NKD1: variants seen among roughly 807,000 people sequenced by gnomAD.
NKD1 encodes the protein NKD inhibitor of Wnt signaling pathway 1.
NKD1 carries 21 observed loss-of-function variants against 56.0 expected under a neutral mutation model. That is an observed-to-expected ratio of 0.38 (90% CI 0.27 to 0.54). The LOEUF (loss-of-function observed/expected upper bound fraction) is 0.54, where lower values mean the gene tolerates loss of function less well. Among genes scored for constraint, NKD1 ranks in the 20% least tolerant of loss-of-function variants. The probability of loss-of-function intolerance (pLI) is 0.82; values close to 1 mark genes in which losing one functional copy is unlikely to be tolerated. For missense variants in NKD1, 578 were observed against 642.7 expected (o/e 0.90, Z 1.09); for synonymous variants, 263 against 265.7 (o/e 0.99, Z 0.10).
intron 3 of NKD1, among the ~76,000 whole-genome samples, chr16:50,582,586 C>A (rs55657844): frequency 2.6e-5 from 4 of 152,350 alleles, no homozygotes; most frequent in Non-Finnish European, 5.9e-5. Flanking sequence ...GGTTCCAAGG[C>A]TGCTACCTTT....
rs1962604939 is a variant in NKD1, at chr16:50,642,879, A to AAC, written c.*9098_*9099insAC. On this transcript the variant is annotated 3_prime_UTR_variant, in exon 10 of 10. Coordinates refer to ENST00000268459, the MANE Select transcript of NKD1 (RefSeq NM_033119.5). ...ACTTTTCCCTCTCAAGTTTGATGGG[A>AAC]TCACTCTGTTCCTTCCAGACCCGAC... 2 of 152,208 alleles carry AAC rather than the reference A, an allele frequency of 1.3e-5. No homozygotes were observed. The highest frequency in any genetic ancestry group is 2.9e-5 in the Non-Finnish European group (2 of 68,054). The allele number at this position is 152,208 out of a possible 1,614,324, so 9.4% of individuals were successfully genotyped here. A position where few individuals can be genotyped will look rare whatever the true frequency, so the allele number is the denominator to read the frequency against.
chr16:50,614,563 C>T (rs1200723222), intron 4 of NKD1, among the ~76,000 whole-genome samples: 1 of 152,182 alleles, frequency 6.6e-6, no homozygotes, highest in Non-Finnish European at 1.5e-5. Flanking sequence ...AGAAAGTTCC[C>T]AGGTCACAGG....
chr16:50,590,730 G>T (rs1392556658), intron 3 of NKD1, among the ~76,000 whole-genome samples: 2 of 152,236 alleles, frequency 1.3e-5, no homozygotes, highest in African/African-American at 4.8e-5. Context: ...CCATGTGGGG[G>T]CATGGTCTGG....
chr16:50,611,086 C>A (rs530846680), intron 4 of NKD1, among the ~76,000 whole-genome samples: 1 of 152,178 alleles, frequency 6.6e-6, no homozygotes, highest in South Asian at 2.1e-4. Flanking sequence ...TCGCAGCCTG[C>A]GGCTTGGGCC....
At chr16:50,600,377 C>A (rs1961568522) in intron 3 of NKD1, among the ~76,000 whole-genome samples, 1 of 151,948 alleles carries the variant, frequency 6.6e-6, no homozygotes, top group Non-Finnish European at 1.5e-5. Context: ...TCAGGAGAGT[C>A]ACTTGAGCCC....
At chr16:50,603,473 C>A (rs1391693691) in intron 3 of NKD1, among the ~76,000 whole-genome samples, 1 of 152,230 alleles carries the variant, frequency 6.6e-6, no homozygotes, top group Non-Finnish European at 1.5e-5. Context: ...TGGCCTAGGC[C>A]CTGCCCCCCT....
intron 4 of NKD1, among the ~76,000 whole-genome samples, chr16:50,617,582 C>A (rs1961990901): frequency 6.6e-6 from 1 of 152,032 alleles, no homozygotes. Context: ...GGGGAGAGAA[C>A]CGTCATTTGG....
chr16:50,614,423 G>A (rs1019903857), intron 4 of NKD1, among the ~76,000 whole-genome samples: 10 of 151,906 alleles, frequency 6.6e-5, no homozygotes, highest in Admixed American at 1.3e-4. Flanking sequence ...TGTCTCGCTC[G>A]CTGCCCCTCT....
Position 50,648,230 on chromosome 16 carries a change from T to G in NKD1, c.*14449T>G, listed in dbSNP as rs1208357328. The G allele has an allele frequency of 6.5e-6, 1 of 152,914 alleles. No homozygotes were observed. The highest frequency in any genetic ancestry group is 1.5e-5 in the Non-Finnish European group (1 of 68,234). The allele number at this position is 152,914 out of a possible 1,614,324, so 9.5% of individuals were successfully genotyped here. On this transcript the variant is annotated 3_prime_UTR_variant, in exon 10 of 10. Coordinates refer to ENST00000268459, the MANE Select transcript of NKD1 (RefSeq NM_033119.5). Reference sequence around the variant, plus strand: ...CTCCTTCTGTCCTCATTCCTGTCCTTCTCACAGTCAGTCCCTCTTGGCTCT... The same window carrying G: ...CTCCTTCTGTCCTCATTCCTGTCCTGCTCACAGTCAGTCCCTCTTGGCTCT...
rs1567356200 is a variant in NKD1 at position 50,633,948 on chromosome 16, CAG to C, written c.*169_*170del. ...TACATGTAGAAGATCTATGGAAACA[CAG>C]AACTAAACTTTTATTTATATGTTGT... On this transcript the variant is annotated 3_prime_UTR_variant, in exon 10 of 10. Transcript: ENST00000268459. This position sits in a 1 kb window ranked among gnomAD's most constrained non-coding sequence, Gnocchi z 4.9. 1 of 518,566 alleles carries C rather than the reference CAG, an allele frequency of 1.9e-6. No homozygotes were observed. The highest frequency in any genetic ancestry group is 3.3e-5 in the East Asian group (1 of 30,702). 32.1% of individuals were successfully genotyped at this position (518,566 alleles called of 1,614,324 possible). A position where few individuals can be genotyped will look rare whatever the true frequency, so the allele number is the denominator to read the frequency against.
At chr16:50,610,213 C>T (rs112876047) in intron 4 of NKD1, among the ~76,000 whole-genome samples, 6 of 152,300 alleles carry the variant, frequency 3.9e-5, no homozygotes, top group African/African-American at 1.4e-4. Context: ...CAAAAAACCA[C>T]AATTATGTAT....
intron 3 of NKD1, among the ~76,000 whole-genome samples, chr16:50,576,836 A>G (rs1300808347): frequency 6.6e-6 from 1 of 151,228 alleles, no homozygotes; most frequent in Admixed American, 6.6e-5. Context: ...CCACCCACCC[A>G]GTGACCCACT....
intron 6 of NKD1, among the ~76,000 whole-genome samples, chr16:50,627,727 G>A (rs1413713831): frequency 4.6e-5 from 7 of 152,200 alleles, no homozygotes; most frequent in African/African-American, 1.7e-4. Context: ...GAAATACTGA[G>A]CACACCGATT....
intron 3 of NKD1, among the ~76,000 whole-genome samples, chr16:50,550,951 T>C (rs1309838414): frequency 1.3e-5 from 2 of 150,382 alleles, no homozygotes; most frequent in Non-Finnish European, 2.9e-5. Flanking sequence ...AGTCCCTCCT[T>C]TTTCTTTTTC....
At chr16:50,600,238 A>AC (rs1265184701) in intron 3 of NKD1, among the ~76,000 whole-genome samples, 2 of 151,300 alleles carry the variant, frequency 1.3e-5, no homozygotes, top group Non-Finnish European at 2.9e-5. Flanking sequence ...AAAAAACAAA[A>AC]CAAAACAAAC....
At chr16:50,552,869 G>A (rs1323626333) in intron 3 of NKD1, among the ~76,000 whole-genome samples, 1 of 152,206 alleles carries the variant, frequency 6.6e-6, no homozygotes, top group South Asian at 2.1e-4. Flanking sequence ...TGTCATGGCA[G>A]GCTCACTTGG....
At chr16:50,588,172 T>C (rs1961270333) in intron 3 of NKD1, among the ~76,000 whole-genome samples, 1 of 152,194 alleles carries the variant, frequency 6.6e-6, no homozygotes, top group South Asian at 2.1e-4. Context: ...AAAGGAAAAC[T>C]TACACCCTTC....
chr16:50,578,364 A>G (rs1053379977), intron 3 of NKD1, among the ~76,000 whole-genome samples: 36 of 152,288 alleles, frequency 2.4e-4, no homozygotes, highest in Admixed American at 1.9e-3. Flanking sequence ...TGACAACTCT[A>G]CACTGTGGAA....
intron 3 of NKD1, among the ~76,000 whole-genome samples, chr16:50,589,761 TCTCTCCTC>T (rs1360477215): frequency 4.4e-4 from 21 of 47,858 alleles, no homozygotes; most frequent in Non-Finnish European, 6.3e-4. Flanking sequence ...TCTCTTCTCT[TCTCTCCTC>T]TCCTCTCCTC....
Sources: gnomAD v4.1 joint callset for allele counts (sites outside exome capture counted in the v4.1 genomes callset) on GRCh38, gnomAD v4.1.1 for gene constraint, Gnocchi (gnomAD v3.1) non-coding constraint, MANE v1.5 for transcripts, NCBI Gene and HGNC (gene_info 2026-07-23, HGNC 2026-07-21) for gene names.